SLC16A7: variants seen among roughly 807,000 people sequenced by gnomAD.
SLC16A7 encodes solute carrier family 16 member 7.
SLC16A7 carries 33 observed loss-of-function variants against 34.9 expected under a neutral mutation model. The observed-to-expected ratio is 0.94, with a 90% CI of 0.72 to 1.26. The LOEUF (loss-of-function observed/expected upper bound fraction) is 1.26, where lower values mean the gene tolerates loss of function less well. Ranked by LOEUF, SLC16A7 falls within the 50% of genes most tolerant of loss-of-function variation. SLC16A7 has a pLI of 0.00. For missense variants in SLC16A7, 573 were observed against 578.1 expected (o/e 0.99, Z 0.09); for synonymous variants, 201 against 206.6 (o/e 0.97, Z 0.23).
At chr12:59,651,796 A>G (rs1868346898) in intron 1 of SLC16A7, among the ~76,000 whole-genome samples, 1 of 152,150 alleles carries the variant, frequency 6.6e-6, no homozygotes, top group Non-Finnish European at 1.5e-5. Flanking sequence ...TTCTCCATTT[A>G]TAGCGTTTGC....
chr12:59,617,629 A>G (rs527650892), intron 1 of SLC16A7, among the ~76,000 whole-genome samples: 54 of 152,126 alleles, frequency 3.5e-4, no homozygotes, highest in Middle Eastern at 3.4e-3. Context: ...GCTTGTTTTC[A>G]TAATAAAAAT....
chr12:59,698,219 A>G (rs1872532161), intron 2 of SLC16A7, among the ~76,000 whole-genome samples: 1 of 151,842 alleles, frequency 6.6e-6, no homozygotes, highest in Admixed American at 6.6e-5. Flanking sequence ...AATAATTTAT[A>G]GAATATTAAC....
At chr12:59,606,281 A>C (rs1252946254) in intron 1 of SLC16A7, among the ~76,000 whole-genome samples, 1 of 152,232 alleles carries the variant, frequency 6.6e-6, no homozygotes, top group African/African-American at 2.4e-5. Context: ...TGAAATTTTC[A>C]CTTAGTTATA....
intron 3 of SLC16A7, among the ~76,000 whole-genome samples, chr12:59,708,426 A>G (rs1028884436): frequency 3.3e-5 from 5 of 152,152 alleles, no homozygotes; most frequent in African/African-American, 1.2e-4. Flanking sequence ...GAAAATCACT[A>G]TTTGATTTTA....
In SLC16A7 at chr12:59,757,339, A is replaced by G. The variant is rs188438646; in HGVS notation, c.218-13880A>G. On this transcript the variant is annotated intron_variant, in intron 3 of 5. Transcript: ENST00000547379. ...GATGGGTGCAGCAAACCACCATGGCACGTGTATACCTATGTAACAAACCTG... is the reference window on the plus strand; with the variant it reads ...GATGGGTGCAGCAAACCACCATGGCGCGTGTATACCTATGTAACAAACCTG... Among the ~76,000 whole-genome samples the G allele has an allele frequency of 3.3e-4, 50 of 152,276 alleles. 1 individual carries two copies. In the East Asian group the frequency reaches 9.1e-3, roughly 28 times the overall value.
chr12:59,775,525 A>C (rs778790348), intron 5 of SLC16A7, 50 bp downstream of exon 5: 1 of 1,350,690 alleles, frequency 7.4e-7, no homozygotes, highest in Non-Finnish European at 1.0e-6. Context: ...ATTAATATCC[A>C]TTAACGGAGA....
At chr12:59,637,785 A>T (rs1880499083) in intron 1 of SLC16A7, among the ~76,000 whole-genome samples, 1 of 152,114 alleles carries the variant, frequency 6.6e-6, no homozygotes, top group Admixed American at 6.6e-5. Flanking sequence ...TAATGAGGTG[A>T]TTAGGTCATA....
intron 2 of SLC16A7, among the ~76,000 whole-genome samples, chr12:59,674,167 A>C (rs1870114255): frequency 6.6e-6 from 1 of 152,210 alleles, no homozygotes; most frequent in African/African-American, 2.4e-5. Context: ...AAGAACTAAG[A>C]AAATAGCTAC....
At chr12:59,643,324 G>C (rs1261914904) in intron 1 of SLC16A7, among the ~76,000 whole-genome samples, 1 of 152,090 alleles carries the variant, frequency 6.6e-6, no homozygotes, top group Non-Finnish European at 1.5e-5. Flanking sequence ...ATGACCCCAA[G>C]AGTCTCTAAT....
intron 2 of SLC16A7, among the ~76,000 whole-genome samples, chr12:59,672,957 T>G (rs1244903139): frequency 6.6e-6 from 1 of 152,168 alleles, no homozygotes; most frequent in Non-Finnish European, 1.5e-5. Flanking sequence ...TCCAAGGACT[T>G]TAATTCAAAT....
chr12:59,640,232 A>G (rs1340548627), intron 1 of SLC16A7, among the ~76,000 whole-genome samples: 3 of 152,150 alleles, frequency 2.0e-5, no homozygotes, highest in African/African-American at 7.2e-5. Context: ...GAATGTTGCT[A>G]GAAACAAAGA....
chr12:59,726,394 C>T (rs539966564), intron 3 of SLC16A7, among the ~76,000 whole-genome samples: 1 of 151,970 alleles, frequency 6.6e-6, no homozygotes, highest in South Asian at 2.1e-4. Flanking sequence ...AAGTGTATGG[C>T]TTTCAAGTAG....
At chr12:59,692,880 C>A (rs931501337) in intron 2 of SLC16A7, among the ~76,000 whole-genome samples, 2 of 151,772 alleles carry the variant, frequency 1.3e-5, no homozygotes, top group African/African-American at 4.8e-5. Context: ...GGATTAGAGT[C>A]CAATTTTAAT....
intron 1 of SLC16A7, among the ~76,000 whole-genome samples, chr12:59,597,603 A>G (rs1878483032): frequency 6.6e-6 from 1 of 152,186 alleles, no homozygotes; most frequent in South Asian, 2.1e-4. Context: ...TGGCTGAAAA[A>G]TGAGAGTTGG....
At chr12:59,772,758 C>A (rs143599283) in intron 4 of SLC16A7, among the ~76,000 whole-genome samples, 8 of 151,934 alleles carry the variant, frequency 5.3e-5, no homozygotes, top group African/African-American at 1.9e-4. Context: ...AAAATGAATA[C>A]GTAGTACTTT....
rs1003613585 is a variant in SLC16A7 at position 59,783,148 on chromosome 12, A to G, written c.*3469A>G. The G allele has an allele frequency of 3.3e-5, 5 of 152,170 alleles. No individual in the cohort carries two copies. The highest frequency in any genetic ancestry group is 1.3e-4 in the Admixed American group (2 of 15,262). The allele number at this position is 152,170 out of a possible 1,614,324, so 9.4% of individuals were successfully genotyped here. A position where few individuals can be genotyped will look rare whatever the true frequency, so the allele number is the denominator to read the frequency against. On this transcript the variant is annotated 3_prime_UTR_variant, in exon 6 of 6. Transcript: ENST00000547379. ...TGGTCAGTTGGTTGAAACATTTTTTATCTAAAACACCTTTAAAAAATCCCT... is the reference window on the plus strand; with the variant it reads ...TGGTCAGTTGGTTGAAACATTTTTTGTCTAAAACACCTTTAAAAAATCCCT...
intron 1 of SLC16A7, among the ~76,000 whole-genome samples, chr12:59,607,899 A>G (rs1879016846): frequency 6.6e-6 from 1 of 152,208 alleles, no homozygotes; most frequent in African/African-American, 2.4e-5. Context: ...TTTATCCAAT[A>G]ATATCCAGAA....
chr12:59,701,203 A>G (rs1424435407), intron 2 of SLC16A7, among the ~76,000 whole-genome samples: 2 of 151,762 alleles, frequency 1.3e-5, no homozygotes, highest in Non-Finnish European at 3.0e-5. Flanking sequence ...TAGTCATGCC[A>G]TTTACATGTA....
intron 2 of SLC16A7, among the ~76,000 whole-genome samples, chr12:59,672,695 T>G (rs112360758): frequency 6.6e-6 from 1 of 152,168 alleles, no homozygotes; most frequent in South Asian, 2.1e-4. Context: ...TACATTCACA[T>G]GTAAATTTAC....
Sources: gnomAD v4.1 joint callset for allele counts (sites outside exome capture counted in the v4.1 genomes callset) on GRCh38, gnomAD v4.1.1 for gene constraint, MANE v1.5 for transcripts, NCBI Gene and HGNC (gene_info 2026-07-23, HGNC 2026-07-21) for gene names.